Variants in FCHSD2 observed in about 807,000 individuals in gnomAD.
The protein encoded by FCHSD2 is FCH and double SH3 domains 2.
A neutral mutation model predicts 108.1 loss-of-function variants in FCHSD2; 38 were observed. That is an observed-to-expected ratio of 0.35 (90% confidence interval 0.27 to 0.46). FCHSD2 has a LOEUF of 0.46. Ranked by LOEUF, FCHSD2 falls within the 20% of genes least tolerant of loss-of-function variation. The pLI is 1.00. For missense variants in FCHSD2, 751 were observed against 897.8 expected, an observed-to-expected ratio of 0.84 and a Z score of 2.09; for synonymous variants, 279 against 314.7, an observed-to-expected ratio of 0.89 and a Z score of 1.20.
chr11:73,059,793 C>A (rs1198842296), intron 3 of FCHSD2, among the ~76,000 whole-genome samples: 1 of 151,984 alleles, frequency 6.6e-6, no homozygotes, highest in Non-Finnish European at 1.5e-5. Flanking sequence ...GGATTCTCAT[C>A]CCAAGACAAT....
intron 3 of FCHSD2, among the ~76,000 whole-genome samples, chr11:73,040,083 T>C (rs1858597719): frequency 1.3e-5 from 2 of 152,186 alleles, no homozygotes; most frequent in Admixed American, 1.3e-4. Flanking sequence ...TTAACCAAAT[T>C]ATCCATTACT....
chr11:72,886,823 A>G (rs1234313081), intron 12 of FCHSD2, among the ~76,000 whole-genome samples: 1 of 152,122 alleles, frequency 6.6e-6, no homozygotes, highest in Admixed American at 6.6e-5. Context: ...CCCTATCTAG[A>G]GCAGGGAGTA....
chr11:73,060,465 T>G (rs1280867193), intron 3 of FCHSD2, among the ~76,000 whole-genome samples: 2 of 152,242 alleles, frequency 1.3e-5, no homozygotes, highest in African/African-American at 4.8e-5. Context: ...CTTGTGCTCC[T>G]TCTCACAGGC....
At chr11:73,100,564 T>C (rs1860199647) in intron 2 of FCHSD2, among the ~76,000 whole-genome samples, 1 of 152,150 alleles carries the variant, frequency 6.6e-6, no homozygotes, top group African/African-American at 2.4e-5. Context: ...GGTTTCTCCA[T>C]GTTGGTCAGG....
At chr11:72,852,596 G>A (rs1412164458) in intron 13 of FCHSD2, among the ~76,000 whole-genome samples, 1 of 152,040 alleles carries the variant, frequency 6.6e-6, no homozygotes, top group Non-Finnish European at 1.5e-5. Flanking sequence ...CCTGGGAGGT[G>A]AAGGTTGCAG....
At position 72,838,805 on chromosome 11, in the gene FCHSD2, T is replaced by C. The variant is rs1860811828; in HGVS notation, c.2209A>G (p.Ile737Val). The change falls in exon 20 of 20, where the codon ATC becomes GTC. Residue 737 changes from isoleucine (I) to valine (V), a missense_variant. By Grantham distance (29) the Ile-to-Val change is conservative. Transcript: ENST00000409418. ...CAAGCCCATCATCACACCAGTGTGA[T>C]TTCCACATCTTCAATCTTCTCTGCT... ...RPAEKIEDVE[I>V]TLV 1 of 1,604,464 alleles carries C rather than the reference T, an allele frequency of 6.2e-7. No homozygotes were observed. The highest frequency in any genetic ancestry group is 8.5e-7 in the Non-Finnish European group (1 of 1,176,580).
At chr11:72,844,169 C>T (rs1861053478) in intron 14 of FCHSD2, among the ~76,000 whole-genome samples, 1 of 152,052 alleles carries the variant, frequency 6.6e-6, no homozygotes, top group Non-Finnish European at 1.5e-5. Flanking sequence ...TGGATAAGCA[C>T]AGAACTGTGA....
At chr11:73,068,638 T>G (rs1278462327) in intron 3 of FCHSD2, among the ~76,000 whole-genome samples, 1 of 151,858 alleles carries the variant, frequency 6.6e-6, no homozygotes, top group Non-Finnish European at 1.5e-5. Context: ...GGAACACACA[T>G]TTGGTACAGA....
chr11:72,902,509 C>A (rs1400567362), intron 10 of FCHSD2, 34 bp downstream of exon 10: 3 of 1,426,488 alleles, frequency 2.1e-6, no homozygotes, highest in African/African-American at 1.4e-5. Flanking sequence ...CACAACTGAA[C>A]AACACATGAA....
chr11:72,913,060 G>C (rs928602256), intron 9 of FCHSD2, among the ~76,000 whole-genome samples: 2 of 152,134 alleles, frequency 1.3e-5, no homozygotes, highest in Non-Finnish European at 2.9e-5. Flanking sequence ...AAGAGAGAAG[G>C]GGGAGGTGCT....
At chr11:73,111,372 CTT>C (rs1860481060) in intron 2 of FCHSD2, among the ~76,000 whole-genome samples, 1 of 151,878 alleles carries the variant, frequency 6.6e-6, no homozygotes, top group African/African-American at 2.4e-5. Flanking sequence ...CAATGACCTT[CTT>C]TGTCTCTTCT....
intron 3 of FCHSD2, among the ~76,000 whole-genome samples, chr11:73,027,440 G>T (rs1049131525): frequency 3.3e-5 from 5 of 152,202 alleles, no homozygotes; most frequent in African/African-American, 1.2e-4. Context: ...CATTCAAAAT[G>T]TAACCTGGCT....
chr11:73,106,544 A>C (rs1397113264), intron 2 of FCHSD2, among the ~76,000 whole-genome samples: 1 of 152,200 alleles, frequency 6.6e-6, no homozygotes, highest in Non-Finnish European at 1.5e-5. Context: ...AACAGGTCTG[A>C]ATACTACAAC....
At position 73,018,372 on chromosome 11, in the gene FCHSD2, G is replaced by A. The variant is rs539467502; in HGVS notation, c.166-2487C>T. 2.0e-3 allele frequency among the ~76,000 whole-genome samples: 309 copies of A among 152,222 alleles called. 1 individual carries two copies. Among genetic ancestry groups the A allele is most frequent in the African/African-American group, 6.9e-3 (285 of 41,536 alleles). On this transcript the variant is annotated intron_variant, in intron 3 of 19. Transcript: ENST00000409418. The stretch of plus-strand genomic sequence containing the variant: ...TACTATTTGTGTCTTTTTCTAAAAC[G>A]CCTTTTCTAATCACTGTATGCAAAG...
At chr11:73,105,227 T>G (rs1337567486) in intron 2 of FCHSD2, among the ~76,000 whole-genome samples, 1 of 152,192 alleles carries the variant, frequency 6.6e-6, no homozygotes, top group Non-Finnish European at 1.5e-5. Flanking sequence ...TAGTATCAAT[T>G]TCATCTAAGA....
At chr11:73,019,935 A>T (rs1858061200) in intron 3 of FCHSD2, among the ~76,000 whole-genome samples, 1 of 152,210 alleles carries the variant, frequency 6.6e-6, no homozygotes, top group Admixed American at 6.5e-5. Flanking sequence ...AATTTTTTTC[A>T]AATCATTCTC....
chr11:72,960,698 C>A (rs1030959367), intron 8 of FCHSD2, among the ~76,000 whole-genome samples: 10 of 152,108 alleles, frequency 6.6e-5, no homozygotes, highest in African/African-American at 2.4e-4. Context: ...TGTTAGCCAC[C>A]AGAAAGTTCT....
intron 10 of FCHSD2, among the ~76,000 whole-genome samples, chr11:72,900,911 A>T (rs1235741492): frequency 1.3e-5 from 2 of 152,212 alleles, no homozygotes; most frequent in African/African-American, 4.8e-5. Flanking sequence ...ATATAATTTG[A>T]TTTTCCTTTT....
chr11:72,902,516 T>G, intron 10 of FCHSD2, 27 bp downstream of exon 10: 2 of 1,469,436 alleles, frequency 1.4e-6, no homozygotes, highest in African/African-American at 2.8e-5. Context: ...GAACAACACA[T>G]GAAATGAAAA....
Sources: gnomAD v4.1 joint callset for allele counts (sites outside exome capture counted in the v4.1 genomes callset) on GRCh38, gnomAD v4.1.1 for gene constraint, MANE v1.5 for transcripts, NCBI Gene and HGNC (gene_info 2026-07-23, HGNC 2026-07-21) for gene names.